The following RALYL variants were observed in gnomAD, a reference collection of about 807,000 sequenced individuals.
RALYL encodes the protein RALY RNA binding protein like.
In RALYL, 29 loss-of-function variants were observed where a neutral mutation model predicts 35.1. That is an observed-to-expected ratio of 0.83 (90% CI 0.61 to 1.13). RALYL has a LOEUF of 1.13. Among genes scored for constraint, RALYL ranks in the 50% most tolerant of loss-of-function variants. The pLI is 0.00. For missense variants in RALYL, 359 were observed against 360.4 expected (o/e 1.00, Z 0.03); for synonymous variants, 120 against 127.6 (o/e 0.94, Z 0.40).
intron 2 of RALYL, among the ~76,000 whole-genome samples, chr8:84,653,129 A>T (rs1829193848): frequency 6.6e-6 from 1 of 152,068 alleles, no homozygotes; most frequent in South Asian, 2.1e-4. Flanking sequence ...TTAGAAATTT[A>T]TGCATGCTGT....
At chr8:84,853,578 T>A (rs986507136) in intron 5 of RALYL, among the ~76,000 whole-genome samples, 1 of 152,214 alleles carries the variant, frequency 6.6e-6, no homozygotes, top group African/African-American at 2.4e-5. Flanking sequence ...GGCATGGAAG[T>A]ATGAAATAGA....
At chr8:84,460,235 G>A (rs1327638169) in intron 1 of RALYL, among the ~76,000 whole-genome samples, 3 of 151,636 alleles carry the variant, frequency 2.0e-5, no homozygotes, top group South Asian at 2.1e-4. Context: ...CTATATTTGT[G>A]GAAGTCTAAA....
At chr8:84,400,123 A>G (rs1006534333) in intron 1 of RALYL, among the ~76,000 whole-genome samples, 2 of 142,960 alleles carry the variant, frequency 1.4e-5, no homozygotes, top group African/African-American at 6.0e-5. Flanking sequence ...CTCAAAAAGA[A>G]AAAAAAAATG....
chr8:84,679,016 C>A, intron 2 of RALYL: 1 of 342,718 alleles, frequency 2.9e-6, no homozygotes, highest in Non-Finnish European at 5.9e-6. Context: ...CTAGCCTGGC[C>A]ACCACCAGCA....
intron 1 of RALYL, among the ~76,000 whole-genome samples, chr8:84,446,383 C>CAA (rs35879139): frequency 4.5e-4 from 68 of 150,990 alleles, no homozygotes; most frequent in African/African-American, 6.6e-4. Flanking sequence ...ATAGTGGGTG[C>CAA]AAAAAAAAGG....
At chr8:84,818,105 TTACTAGGGAAGATCAC>T (rs1430927049) in intron 4 of RALYL, among the ~76,000 whole-genome samples, 1 of 151,984 alleles carries the variant, frequency 6.6e-6, no homozygotes. Flanking sequence ...ACAGACTGCC[TTACTAGGGAAGATCAC>T]TGAGGAAGAG....
chr8:84,647,803 G>A (rs1827817121), intron 2 of RALYL, among the ~76,000 whole-genome samples: 1 of 152,060 alleles, frequency 6.6e-6, no homozygotes, highest in African/African-American at 2.4e-5. Context: ...AACGAGTGCT[G>A]GAGAGATGTT....
chr8:84,792,265 T>C (rs1331721579), intron 3 of RALYL, among the ~76,000 whole-genome samples: 1 of 152,116 alleles, frequency 6.6e-6, no homozygotes, highest in Non-Finnish European at 1.5e-5. Context: ...TGGAGGTGGC[T>C]CTCAGTGGGA....
Position 84,499,792 on chromosome 8 carries a change from T to C in RALYL, c.-23-29507T>C, listed in dbSNP as rs117307752. Reference sequence around the variant, plus strand: ...TTATTTGAAATAGGGTCTCACTCTCTTACCAAGTCTGCAGTGCAGTGGCAC... The same window carrying C: ...TTATTTGAAATAGGGTCTCACTCTCCTACCAAGTCTGCAGTGCAGTGGCAC... On this transcript the variant is annotated intron_variant, in intron 1 of 8. Coordinates refer to ENST00000521268, the MANE Select transcript of RALYL (RefSeq NM_173848.7). Among the ~76,000 whole-genome samples, 182 of 152,278 alleles carry C rather than the reference T, an allele frequency of 1.2e-3. No individual in the cohort carries two copies. In the East Asian group the frequency reaches 0.033, roughly 28 times the overall value.
chr8:84,504,162 T>G (rs1415631485), intron 1 of RALYL, among the ~76,000 whole-genome samples: 1 of 151,928 alleles, frequency 6.6e-6, no homozygotes, highest in Non-Finnish European at 1.5e-5. Flanking sequence ...TTAAAATAGG[T>G]AAATGTTGTT....
chr8:84,735,630 C>T (rs369090970), intron 2 of RALYL, among the ~76,000 whole-genome samples: 1 of 152,112 alleles, frequency 6.6e-6, no homozygotes, highest in East Asian at 1.9e-4. Context: ...TGAAACTCAG[C>T]CCACTTAACT....
chr8:84,220,263 A>G (rs1821869907), intron 1 of RALYL, among the ~76,000 whole-genome samples: 1 of 152,024 alleles, frequency 6.6e-6, no homozygotes, highest in Admixed American at 6.6e-5. Flanking sequence ...TATTTGTACT[A>G]TTTTTATATA....
chr8:84,750,947 C>T (rs1414967489), intron 2 of RALYL, among the ~76,000 whole-genome samples: 1 of 152,138 alleles, frequency 6.6e-6, no homozygotes, highest in African/African-American at 2.4e-5. Context: ...AAGACTCCCT[C>T]TTTTTCTTCC....
intron 3 of RALYL, among the ~76,000 whole-genome samples, chr8:84,777,956 T>C (rs148021339): frequency 6.6e-6 from 1 of 152,274 alleles, no homozygotes; most frequent in East Asian, 1.9e-4. Flanking sequence ...GTCTGTTTTC[T>C]TATCTGTAAA....
chr8:84,333,590 C>T (rs1272684149), intron 1 of RALYL, among the ~76,000 whole-genome samples: 1 of 152,062 alleles, frequency 6.6e-6, no homozygotes, highest in Non-Finnish European at 1.5e-5. Flanking sequence ...CTTTATCTGG[C>T]CGGGTCAACT....
rs191814665 is a variant in RALYL at position 84,199,253 on chromosome 8, G to A, written c.-24+14829G>A. On this transcript the variant is annotated intron_variant, in intron 1 of 8. Transcript: ENST00000521268. ...GCATTTCTCTGTGCATTACTCTGAT[G>A]ATCGGTGATGATCGGTGACCTTTTC... 9.4e-4 allele frequency among the ~76,000 whole-genome samples: 143 copies of A among 152,030 alleles called. 1 individual carries two copies. Among genetic ancestry groups the A allele is most frequent in the Non-Finnish European group, 1.1e-3 (72 of 67,932 alleles).
intron 4 of RALYL, among the ~76,000 whole-genome samples, chr8:84,829,665 A>C (rs1830462743): frequency 6.6e-6 from 1 of 152,178 alleles, no homozygotes; most frequent in Admixed American, 6.5e-5. Context: ...TCAAGCACAA[A>C]GACTTTTAAA....
intron 1 of RALYL, among the ~76,000 whole-genome samples, chr8:84,218,066 TAA>T (rs1235686461): frequency 6.6e-6 from 1 of 150,426 alleles, no homozygotes; most frequent in African/African-American, 2.5e-5. Context: ...TGAAAAAATA[TAA>T]AGTCTTTAGA....
chr8:84,362,862 G>C (rs149344921), intron 1 of RALYL, among the ~76,000 whole-genome samples: 1 of 152,140 alleles, frequency 6.6e-6, no homozygotes, highest in East Asian at 1.9e-4. Flanking sequence ...AATTTGAGTA[G>C]AAAAATAGAA....
Sources: gnomAD v4.1 joint callset for allele counts (sites outside exome capture counted in the v4.1 genomes callset) on GRCh38, gnomAD v4.1.1 for gene constraint, MANE v1.5 for transcripts, NCBI Gene and HGNC (gene_info 2026-07-23, HGNC 2026-07-21) for gene names.